Variants in IQANK1 observed in about 807,000 individuals in gnomAD.
IQANK1 encodes the protein IQ motif and ankyrin repeat containing 1, also known as IQ motif and ankyrin repeat domain-containing protein 1.
Under a neutral mutation model 22.6 loss-of-function variants are expected in IQANK1, and 30 were observed. That is an observed-to-expected ratio of 1.33 (90% CI 0.99 to 1.80). The LOEUF (loss-of-function observed/expected upper bound fraction) is 1.80. IQANK1 is among the 40% of genes most tolerant of loss of function. The pLI, the probability that IQANK1 is intolerant of heterozygous loss-of-function variation, is 0.00. For synonymous variants in IQANK1, 122 were observed against 99.6 expected (o/e 1.23, Z -1.34); for missense variants, 275 against 235.2 (o/e 1.17, Z -1.11).
chr8:143,739,523 G>C (rs1208938972), intron 2 of IQANK1: 1 of 269,164 alleles, frequency 3.7e-6, no homozygotes, highest in African/African-American at 2.2e-5. Flanking sequence ...AGTGTCAGGG[G>C]TGGGGCAGGG....
intron 3 of IQANK1, among the ~76,000 whole-genome samples, chr8:143,755,324 A>G (rs1554628388): frequency 6.6e-6 from 1 of 152,164 alleles, no homozygotes; most frequent in Non-Finnish European, 1.5e-5. Context: ...AGTCCGCATC[A>G]ATGTTGTGTA....
intron 3 of IQANK1, among the ~76,000 whole-genome samples, chr8:143,761,090 C>G (rs922993251): frequency 2.0e-5 from 3 of 152,226 alleles, no homozygotes; most frequent in South Asian, 2.1e-4. Context: ...TCGCCGGGAG[C>G]AGCAGAGCGC....
At chr8:143,768,669 C>T (rs1177949818) in intron 3 of IQANK1, among the ~76,000 whole-genome samples, 1 of 152,120 alleles carries the variant, frequency 6.6e-6, no homozygotes, top group East Asian at 1.9e-4. Context: ...TCACTGTGGA[C>T]TCACTGACGT....
intron 7 of IQANK1, among the ~76,000 whole-genome samples, chr8:143,785,127 T>C (rs1202546026): frequency 1.3e-5 from 2 of 152,206 alleles, no homozygotes; most frequent in African/African-American, 4.8e-5. Flanking sequence ...ACAGTAAATA[T>C]AGTTATTTGA....
chr8:143,774,821 A>C lies in IQANK1; in HGVS notation c.789+2339A>C, dbSNP rs117098301. Among the ~76,000 whole-genome samples, 555 of 152,336 alleles carry C rather than the reference A, an allele frequency of 3.6e-3. 2 individuals are homozygous for C. Among genetic ancestry groups the C allele is most frequent in the Middle Eastern group, 0.01 (3 of 294 alleles). On this transcript the variant is annotated intron_variant, in intron 7 of 13. Transcript: ENST00000527139. The surrounding 1 kb of genome is among the most constrained non-coding windows in gnomAD (Gnocchi z 4.2). ...TGCCACGAAACACGCTTGGCAATAA[A>C]ACGGTGTGCACACATGATCCATGCA...
At position 143,758,015 on chromosome 8, in the gene IQANK1, G is replaced by C. The variant is rs1200442788; in HGVS notation, c.176-13473G>C. On this transcript the variant is annotated intron_variant, in intron 3 of 13. Coordinates refer to ENST00000527139, the MANE Select transcript of IQANK1 (RefSeq NM_001381874.1). This position sits in a 1 kb window ranked among gnomAD's most constrained non-coding sequence, Gnocchi z 4.2. Reference sequence around the variant, plus strand: ...TAGTGTATCAGTTCATGCTTTTGGGGGTCAAGACAATAAAGATCTCTGGAT... The same window carrying C: ...TAGTGTATCAGTTCATGCTTTTGGGCGTCAAGACAATAAAGATCTCTGGAT... 1.3e-5 allele frequency: 2 copies of C among 152,132 alleles called. No individual in the cohort carries two copies. Among genetic ancestry groups the C allele is most frequent in the Non-Finnish European group, 2.9e-5 (2 of 68,030 alleles). The allele number at this position is 152,132 out of a possible 1,614,324, so 9.4% of individuals were successfully genotyped here.
intron 3 of IQANK1, among the ~76,000 whole-genome samples, chr8:143,750,606 T>A (rs1336035578): frequency 1.3e-5 from 2 of 152,062 alleles, no homozygotes; most frequent in African/African-American, 4.8e-5. Context: ...GAGGCTGAGA[T>A]GAGAGGGTTG....
chr8:143,746,177 C>G (rs925733245), intron 3 of IQANK1: 1 of 152,222 alleles, frequency 6.6e-6, no homozygotes, highest in Non-Finnish European at 1.5e-5. Context: ...ACTGCTCTGT[C>G]TAGAACTCCC....
chr8:143,736,227 C>T lies in IQANK1; in HGVS notation c.85+289C>T, dbSNP rs974662381. Among the ~76,000 whole-genome samples the T allele has an allele frequency of 2.0e-5, 3 of 151,966 alleles. No homozygotes were observed. The South Asian group carries it at 6.2e-4, about 32-fold the overall frequency. ...CAATCCCTCCTCACTGCAACCTCCG[C>T]CTCCTGGGTCCAAGTGAGTCTTGTG... On this transcript the variant is annotated intron_variant, in intron 2 of 13. Transcript: ENST00000527139.
chr8:143,740,153 C>T (rs922845940), intron 3 of IQANK1, among the ~76,000 whole-genome samples: 37 of 152,080 alleles, frequency 2.4e-4, no homozygotes, highest in African/African-American at 8.4e-4. Context: ...CCCCTCCCGC[C>T]GCGCCCCGCT....
Position 143,789,763 on chromosome 8 carries a change from C to T in IQANK1, c.1089C>T (p.Ala363=). The T allele has an allele frequency of 8.1e-7, 1 of 1,231,992 alleles. No individual in the cohort carries two copies. Among genetic ancestry groups the T allele is most frequent in the Non-Finnish European group, 1.0e-6 (1 of 988,026 alleles). 76.3% of individuals were successfully genotyped at this position (1,231,992 alleles called of 1,614,324 possible). The change falls in exon 11 of 14, where the codon GCC becomes GCT. Residue 363 remains alanine (A), a splice_region_variant and synonymous_variant. Coordinates refer to ENST00000527139, the MANE Select transcript of IQANK1 (RefSeq NM_001381874.1). ...GTCAGTGTGGCCTCCTCCTCCAGGCCATCAAGGACACAGAGGCCCAGGTGG... is the reference window on the plus strand; with the variant it reads ...GTCAGTGTGGCCTCCTCCTCCAGGCTATCAAGGACACAGAGGCCCAGGTGG... ...CMDKTKLTLQ[A]IKDTEAQVDR...
chr8:143,747,440 A>C (rs936131459), intron 3 of IQANK1, among the ~76,000 whole-genome samples: 1 of 151,874 alleles, frequency 6.6e-6, no homozygotes, highest in Non-Finnish European at 1.5e-5. Flanking sequence ...GTATTTCCTT[A>C]AGTTATAAAG....
chr8:143,788,597 A>G (rs1354226490), intron 7 of IQANK1, among the ~76,000 whole-genome samples: 6 of 152,214 alleles, frequency 3.9e-5, no homozygotes, highest in African/African-American at 1.4e-4. Context: ...AGTCTGACAG[A>G]GGCGGGAAGC....
intron 3 of IQANK1, chr8:143,742,328 G>A (rs558703702): frequency 1.1e-4 from 51 of 450,038 alleles, no homozygotes; most frequent in African/African-American, 6.4e-4. Context: ...GCTGCTGCCC[G>A]CCAGGATCTC....
intron 3 of IQANK1, among the ~76,000 whole-genome samples, chr8:143,770,950 C>T (rs1301962785): frequency 6.6e-6 from 1 of 152,254 alleles, no homozygotes; most frequent in African/African-American, 2.4e-5. Context: ...CGGCTCCAGG[C>T]TCGGGCTCAG....
chr8:143,741,402 A>G (rs1230592733), intron 3 of IQANK1, among the ~76,000 whole-genome samples: 1 of 152,000 alleles, frequency 6.6e-6, no homozygotes, highest in African/African-American at 2.4e-5. Flanking sequence ...TACCTGGAGA[A>G]GGTGACACCA....
chr8:143,740,724 A>C (rs1554626370), intron 3 of IQANK1, among the ~76,000 whole-genome samples: 2 of 152,144 alleles, frequency 1.3e-5, no homozygotes, highest in South Asian at 2.1e-4. Flanking sequence ...ACCGGCAGCC[A>C]CCTGTCCTCC....
intron 3 of IQANK1, among the ~76,000 whole-genome samples, chr8:143,756,345 G>A (rs1417619638): frequency 6.6e-6 from 1 of 152,204 alleles, no homozygotes; most frequent in Non-Finnish European, 1.5e-5. Flanking sequence ...GGGACTGTCT[G>A]AGAACCAGGG....
chr8:143,790,328 C>A (rs1820009562), intron 13 of IQANK1, 22 bp from the exon 14 acceptor site: 3 of 1,219,558 alleles, frequency 2.5e-6, no homozygotes, highest in Non-Finnish European at 3.1e-6. Flanking sequence ...CCCACCCTGG[C>A]CTCACCAGCC....
Sources: allele counts gnomAD v4.1 joint callset (sites outside exome capture counted in the v4.1 genomes callset), GRCh38; gene constraint gnomAD v4.1.1; non-coding constraint Gnocchi (gnomAD v3.1); transcripts MANE v1.5; gene names NCBI Gene and HGNC (gene_info 2026-07-23, HGNC 2026-07-21).